Variants in ZNF385B observed in about 807,000 individuals in gnomAD.
ZNF385B encodes the protein zinc finger protein 533.
ZNF385B carries 23 observed loss-of-function variants against 39.2 expected under a neutral mutation model. That is an observed-to-expected ratio of 0.59 (90% CI 0.42 to 0.83). ZNF385B has a LOEUF of 0.83. Among genes scored for constraint, ZNF385B ranks in the 40% least tolerant of loss-of-function variants. ZNF385B has a pLI of 0.00. For missense variants in ZNF385B, 552 were observed against 598.9 expected (o/e 0.92, Z 0.82); for synonymous variants, 205 against 222.6 (o/e 0.92, Z 0.70).
At chr2:179,549,723 T>C (rs1451944969) in intron 3 of ZNF385B, among the ~76,000 whole-genome samples, 1 of 149,648 alleles carries the variant, frequency 6.7e-6, no homozygotes, top group Admixed American at 6.6e-5. Context: ...CTGTCATACT[T>C]CATTTACATT....
chr2:179,860,157 C>G (rs547924015), intron 1 of ZNF385B, among the ~76,000 whole-genome samples: 1 of 152,196 alleles, frequency 6.6e-6, no homozygotes, highest in South Asian at 2.1e-4. Context: ...CTCAGCAAAG[C>G]AAAACCAAAA....
At chr2:179,663,929 T>C (rs1490191282) in intron 3 of ZNF385B, among the ~76,000 whole-genome samples, 1 of 152,110 alleles carries the variant, frequency 6.6e-6, no homozygotes, top group Non-Finnish European at 1.5e-5. Flanking sequence ...CCAGTGGTCC[T>C]ACCCAGCTTC....
intron 6 of ZNF385B, among the ~76,000 whole-genome samples, chr2:179,453,735 T>G (rs1342479811): frequency 6.6e-6 from 1 of 152,166 alleles, no homozygotes; most frequent in African/African-American, 2.4e-5. Context: ...AATCATGTTG[T>G]TAGTGCCCAA....
chr2:179,585,185 CA>C (rs1258317992), intron 3 of ZNF385B, among the ~76,000 whole-genome samples: 3 of 152,138 alleles, frequency 2.0e-5, no homozygotes, highest in African/African-American at 7.2e-5. Context: ...GATGTAAAGA[CA>C]GTGCTTATGG....
At chr2:179,552,928 C>T (rs1011339824) in intron 3 of ZNF385B, among the ~76,000 whole-genome samples, 5 of 148,996 alleles carry the variant, frequency 3.4e-5, no homozygotes, top group African/African-American at 1.3e-4. Flanking sequence ...ATATTTAGTC[C>T]TTGCAATCTG....
At chr2:179,626,638 T>A in intron 3 of ZNF385B, among the ~76,000 whole-genome samples, 1 of 152,142 alleles carries the variant, frequency 6.6e-6, no homozygotes, top group East Asian at 1.9e-4. Context: ...CTGAAAAACA[T>A]TTGTATATGC....
At chr2:179,849,066 T>C (rs1275152486) in intron 1 of ZNF385B, among the ~76,000 whole-genome samples, 3 of 152,174 alleles carry the variant, frequency 2.0e-5, no homozygotes, top group African/African-American at 7.2e-5. Flanking sequence ...TAAATATGTT[T>C]ATAATTTGCC....
Position 179,485,783 on chromosome 2 carries a change from G to A in ZNF385B, c.553-2349C>T, listed in dbSNP as rs149723181. On this transcript the variant is annotated intron_variant, in intron 5 of 9. Transcript: ENST00000410066. ...TTCTTGTAGGGCGGGAGGTGGCTGG[G>A]GAAAAAAATATTGCTTTGGTAGTAG... is the stretch of plus-strand genomic sequence containing the variant. Among the ~76,000 whole-genome samples the A allele has an allele frequency of 8.5e-3, 1,298 of 152,050 alleles. 16 individuals are homozygous for A. The highest frequency in any genetic ancestry group is 0.03 in the African/African-American group (1,249 of 41,472).
intron 3 of ZNF385B, among the ~76,000 whole-genome samples, chr2:179,614,753 A>G (rs1278788614): frequency 6.6e-6 from 1 of 152,236 alleles, no homozygotes; most frequent in East Asian, 1.9e-4. Flanking sequence ...TAGAGAGCAA[A>G]GAGAAGTGTG....
At chr2:179,743,812 G>A (rs1384595300) in intron 3 of ZNF385B, among the ~76,000 whole-genome samples, 1 of 152,062 alleles carries the variant, frequency 6.6e-6, no homozygotes, top group Non-Finnish European at 1.5e-5. Flanking sequence ...GCATTTGAGA[G>A]CTTTTGCTTT....
intron 3 of ZNF385B, among the ~76,000 whole-genome samples, chr2:179,648,131 A>T (rs908713666): frequency 1.3e-5 from 2 of 152,088 alleles, no homozygotes; most frequent in East Asian, 3.9e-4. Context: ...GGTGGGACTC[A>T]GCTTGCCATG....
intron 1 of ZNF385B, among the ~76,000 whole-genome samples, chr2:179,781,469 T>C (rs1704660091): frequency 6.6e-6 from 1 of 152,210 alleles, no homozygotes; most frequent in Non-Finnish European, 1.5e-5. Context: ...ACAAATTATC[T>C]TGATCTTTAC....
intron 1 of ZNF385B, among the ~76,000 whole-genome samples, chr2:179,794,565 A>G (rs1705536735): frequency 6.6e-6 from 1 of 152,290 alleles, no homozygotes; most frequent in South Asian, 2.1e-4. Context: ...CAAAGGACAC[A>G]TTTATTGCCT....
chr2:179,627,010 A>C (rs929565791), intron 3 of ZNF385B, among the ~76,000 whole-genome samples: 5 of 152,200 alleles, frequency 3.3e-5, no homozygotes, highest in Admixed American at 1.3e-4. Flanking sequence ...CTAAGATAAT[A>C]CTTAATTGTT....
Position 179,446,537 on chromosome 2 carries a change from C to A in ZNF385B, c.949G>T (p.Ala317Ser). 1 of 1,613,482 alleles carries A rather than the reference C, an allele frequency of 6.2e-7. No homozygotes were observed. The highest frequency in any genetic ancestry group is 1.7e-5 in the Admixed American group (1 of 59,968). The change falls in exon 7 of 10, where the codon GCA (alanine) becomes TCA (serine). Residue 317 changes from alanine to serine, a missense_variant. By Grantham distance (99) the Ala-to-Ser change is moderately conservative. Transcript: ENST00000410066. ...VAVNSLSQLEAHNTGSKHKTM... is the reference protein window; with the variant it reads ...VAVNSLSQLESHNTGSKHKTM... ...GATAGCTGCTAACCTGTGTTGTGTG[C>A]CTCTAGCTGTGACAGGGAGTTCACA...
intron 7 of ZNF385B, 89 bp from the exon 8 acceptor site, chr2:179,445,817 G>A (rs2049415266): frequency 1.6e-6 from 2 of 1,241,598 alleles, no homozygotes; most frequent in Non-Finnish European, 2.2e-6. Flanking sequence ...TTACCTGCAG[G>A]CTAAAATTCC....
chr2:179,754,552 C>A (rs1702888884), intron 3 of ZNF385B, among the ~76,000 whole-genome samples: 1 of 152,072 alleles, frequency 6.6e-6, no homozygotes, highest in South Asian at 2.1e-4. Flanking sequence ...GCTGTAAATC[C>A]ATCTGTCCTG....
chr2:179,517,452 T>C (rs1006570073), intron 5 of ZNF385B, among the ~76,000 whole-genome samples: 2 of 149,976 alleles, frequency 1.3e-5, no homozygotes, highest in South Asian at 2.1e-4. Context: ...AAAAAATTCA[T>C]TGGACTTTTG....
intron 1 of ZNF385B, among the ~76,000 whole-genome samples, chr2:179,820,489 T>C (rs11900349): frequency 0.044 from 6,647 of 152,084 alleles, 232 homozygotes; most frequent in African/African-American, 0.1. Context: ...TTCTGTGTTC[T>C]ATCTTTACTC....
Sources: gnomAD v4.1 joint callset for allele counts (sites outside exome capture counted in the v4.1 genomes callset) on GRCh38, gnomAD v4.1.1 for gene constraint, MANE v1.5 for transcripts, NCBI Gene and HGNC (gene_info 2026-07-23, HGNC 2026-07-21) for gene names.